SLC38A10: variants seen among roughly 807,000 people sequenced by gnomAD.
SLC38A10 encodes the protein solute carrier family 38 member 10.
A neutral mutation model predicts 81.0 loss-of-function variants in SLC38A10; 53 were observed. The observed-to-expected ratio is 0.65, with a 90% confidence interval of 0.53 to 0.82. The LOEUF (loss-of-function observed/expected upper bound fraction) is 0.82, where lower values mean the gene tolerates loss of function less well. SLC38A10 is among the 40% of genes least tolerant of loss of function. SLC38A10 has a pLI of 0.00. For missense variants in SLC38A10, 1,471 were observed against 1,545.0 expected, an observed-to-expected ratio of 0.95 and a Z score of 0.80; for synonymous variants, 665 against 655.3, an observed-to-expected ratio of 1.01 and a Z score of -0.23.
intron 11 of SLC38A10, among the ~76,000 whole-genome samples, chr17:81,254,648 G>A (rs1266454614): frequency 1.3e-5 from 2 of 152,264 alleles, no homozygotes; most frequent in East Asian, 1.9e-4. Context: ...GTTTCACCAC[G>A]TTGGCCAGGC....
rs894978614 is a variant in SLC38A10 at position 81,253,880 on chromosome 17, T to C, written c.1289-640A>G. On this transcript the variant is annotated intron_variant, in intron 11 of 15. Transcript: ENST00000374759. This position sits in a 1 kb window ranked among gnomAD's most constrained non-coding sequence, Gnocchi z 4.1. ...ATCCCTACCACCATCACCATCATCA[T>C]CACCATCACCACTACCATCACCACC... Among the ~76,000 whole-genome samples, 2 of 150,830 alleles carry C rather than the reference T, an allele frequency of 1.3e-5. No homozygotes were observed. The highest frequency in any genetic ancestry group is 6.6e-5 in the Admixed American group (1 of 15,172).
At position 81,289,480 on chromosome 17, in the gene SLC38A10, C is replaced by T. The variant is rs1391635837; in HGVS notation, c.217+211G>A. On this transcript the variant is annotated intron_variant, in intron 2 of 15. Coordinates refer to ENST00000374759, the MANE Select transcript of SLC38A10 (RefSeq NM_001037984.3). This position sits in a 1 kb window ranked among gnomAD's most constrained non-coding sequence, Gnocchi z 5.9. ...CTCAGACTCCTAGGCTCAGGTGATCCTCCCACCTCAGCCTCCCAAATAGTA... is the reference window on the plus strand; with the variant it reads ...CTCAGACTCCTAGGCTCAGGTGATCTTCCCACCTCAGCCTCCCAAATAGTA... Among the ~76,000 whole-genome samples, 2 of 151,942 alleles carry T rather than the reference C, an allele frequency of 1.3e-5. No individual in the cohort carries two copies. Among genetic ancestry groups the T allele is most frequent in the Non-Finnish European group, 2.9e-5 (2 of 68,000 alleles).
chr17:81,294,886 G>C lies in SLC38A10; in HGVS notation c.36C>G (p.Ile12Met), dbSNP rs1749755208. 1 of 1,595,598 alleles carries C rather than the reference G, an allele frequency of 6.3e-7. No individual in the cohort carries two copies. Among genetic ancestry groups the C allele is most frequent in the Admixed American group, 1.7e-5 (1 of 57,798 alleles). Residue 12 changes from isoleucine (I) to methionine (M), a missense_variant, in exon 1 of 16, where the codon ATC (isoleucine) becomes ATG (methionine). Transcript: ENST00000374759. ...CTACGATGCTGTTCACGATGTTCGTGATCAGCCCCCAGTTGGAGGCGGCGG... is the reference window on the plus strand; with the variant it reads ...CTACGATGCTGTTCACGATGTTCGTCATCAGCCCCCAGTTGGAGGCGGCGG... The part of the protein sequence containing the change: ...TAAAASNWGL[I>M]TNIVNSIVGV...
chr17:81,283,575 T>C lies in SLC38A10; in HGVS notation c.264-73A>G. 1.8e-6 allele frequency: 2 copies of C among 1,131,934 alleles called. No homozygotes were observed. Among genetic ancestry groups the C allele is most frequent in the Non-Finnish European group, 2.6e-6 (2 of 765,336 alleles). The allele number at this position is 1,131,934 out of a possible 1,614,324, so 70.1% of individuals were successfully genotyped here. On this transcript the variant is annotated intron_variant, in intron 3 of 15. Coordinates refer to ENST00000374759, the MANE Select transcript of SLC38A10 (RefSeq NM_001037984.3). This position sits in a 1 kb window ranked among gnomAD's most constrained non-coding sequence, Gnocchi z 4.7. ...ACACACCTGGGCTGCCGCCAGGGAC[T>C]ACCCCAAGGCTGGGCTGAATGACAG... is the stretch of plus-strand genomic sequence containing the variant.
chr17:81,272,805 A>G (rs2271090), intron 8 of SLC38A10, among the ~76,000 whole-genome samples, 178 bp from the exon 9 acceptor site: 77,983 of 152,044 alleles, frequency 0.51, 22,584 homozygotes, highest in African/African-American at 0.8. Flanking sequence ...TGAGCAACTT[A>G]AACGGGAACC....
At chr17:81,259,058 G>C (rs1031260540) in intron 11 of SLC38A10, among the ~76,000 whole-genome samples, 1 of 152,250 alleles carries the variant, frequency 6.6e-6, no homozygotes, top group African/African-American at 2.4e-5. Context: ...ACGCTGGGAA[G>C]GAGCTTTCCA....
Position 81,251,221 on chromosome 17 carries a change from G to A in SLC38A10, c.2065+272C>T, listed in dbSNP as rs140396168. 7.6e-5 allele frequency: 108 copies of A among 1,427,592 alleles called. 1 individual carries two copies. The African/African-American group carries it at 2.5e-3, about 33-fold the overall frequency. 88.4% of individuals were successfully genotyped at this position (1,427,592 alleles called of 1,614,324 possible). On this transcript the variant is annotated intron_variant, in intron 14 of 15. Coordinates refer to ENST00000374759, the MANE Select transcript of SLC38A10 (RefSeq NM_001037984.3). The stretch of plus-strand genomic sequence containing the variant: ...TGACAATGCCGCAGGTGTTTTAAAG[G>A]GGAGCAAGGGAGATAAAACGGTAAT...
chr17:81,265,634 C>T lies in SLC38A10; in HGVS notation c.1132-5240G>A, dbSNP rs535301949. Among the ~76,000 whole-genome samples, 28 of 152,352 alleles carry T rather than the reference C, an allele frequency of 1.8e-4. No homozygotes were observed. Among genetic ancestry groups the T allele is most frequent in the Admixed American group, 1.6e-3 (24 of 15,308 alleles). ...TGGGCTGGGTACAGGCACCATATCG[C>T]TGAGAGTACTCAGACAGGCCAAGGC... is the stretch of plus-strand genomic sequence containing the variant. On this transcript the variant is annotated intron_variant, in intron 10 of 15. Coordinates refer to ENST00000374759, the MANE Select transcript of SLC38A10 (RefSeq NM_001037984.3). The surrounding 1 kb of genome is among the most constrained non-coding windows in gnomAD (Gnocchi z 4.2).
In SLC38A10 at chr17:81,253,937, C is replaced by T. The variant is rs2062948150; in HGVS notation, c.1289-697G>A. The stretch of plus-strand genomic sequence containing the variant: ...GCCAACCCTACCATCATTGCCATCA[C>T]CTCCATTATCGTCATCACCACCACC... On this transcript the variant is annotated intron_variant, in intron 11 of 15. Coordinates refer to ENST00000374759, the MANE Select transcript of SLC38A10 (RefSeq NM_001037984.3). This position sits in a 1 kb window ranked among gnomAD's most constrained non-coding sequence, Gnocchi z 4.1. 6.6e-6 allele frequency among the ~76,000 whole-genome samples: 1 copy of T among 151,884 alleles called. No homozygotes were observed. Among genetic ancestry groups the T allele is most frequent in the Non-Finnish European group, 1.5e-5 (1 of 67,982 alleles).
chr17:81,270,521 G>A lies in SLC38A10; in HGVS notation c.1131+397C>T, dbSNP rs763410827. ...CAGTTAAAGAAAAACCCACAAGCAC[G>A]CACATCTCCGTGGGAGGGTCGCACC... On this transcript the variant is annotated intron_variant, in intron 10 of 15. Coordinates refer to ENST00000374759, the MANE Select transcript of SLC38A10 (RefSeq NM_001037984.3). The surrounding 1 kb of genome is among the most constrained non-coding windows in gnomAD (Gnocchi z 4.0). Among the ~76,000 whole-genome samples the A allele has an allele frequency of 2.7e-4, 41 of 152,260 alleles. No individual in the cohort carries two copies. Among genetic ancestry groups the A allele is most frequent in the African/African-American group, 7.0e-4 (29 of 41,538 alleles).
Position 81,270,847 on chromosome 17 carries a change from C to A in SLC38A10, c.1131+71G>T. The A allele has an allele frequency of 7.5e-7, 1 of 1,342,156 alleles. No homozygotes were observed. Among genetic ancestry groups the A allele is most frequent in the Middle Eastern group, 2.0e-4 (1 of 5,058 alleles). 83.1% of individuals were successfully genotyped at this position (1,342,156 alleles called of 1,614,324 possible). A position where few individuals can be genotyped will look rare whatever the true frequency, so the allele number is the denominator to read the frequency against. On this transcript the variant is annotated intron_variant, in intron 10 of 15. Transcript: ENST00000374759. This position sits in a 1 kb window ranked among gnomAD's most constrained non-coding sequence, Gnocchi z 4.0. Reference sequence around the variant, plus strand: ...CTGAAAACGCTGAACCAGGGGCTTCCTCCCGCCTCCACCTCTCCCCAGCCC... The same window carrying A: ...CTGAAAACGCTGAACCAGGGGCTTCATCCCGCCTCCACCTCTCCCCAGCCC...
In SLC38A10 at chr17:81,252,330, G is replaced by A. The variant is rs781308491; in HGVS notation, c.1810C>T (p.His604Tyr). Reference sequence around the variant, plus strand: ...GACAGCACTGCCTGGGGCCGAGGATGCAGGCCCCTGTCTCCTGGCCCCAGG... The same window carrying A: ...GACAGCACTGCCTGGGGCCGAGGATACAGGCCCCTGTCTCCTGGCCCCAGG... ...EDLGPGDRGL[H>Y]PRPQAVLSEQ... is the part of the protein sequence containing the mutation. The change falls in exon 13 of 16, where the codon CAT becomes TAT. Residue 604 changes from histidine (H) to tyrosine (Y), a missense_variant. Physicochemically the swap from His to Tyr is moderately conservative, Grantham distance 83. Transcript: ENST00000374759. The A allele has an allele frequency of 1.1e-5, 17 of 1,612,672 alleles. No homozygotes were observed. In the Admixed American group the frequency reaches 1.5e-4, roughly 14 times the overall value.
intron 6 of SLC38A10, chr17:81,280,021 C>A: frequency 2.6e-6 from 1 of 377,576 alleles, no homozygotes; most frequent in South Asian, 1.9e-5. Context: ...TGGTCTTTTC[C>A]CGTCTGCGCC....
At chr17:81,260,171 A>T in intron 11 of SLC38A10, 67 bp downstream of exon 11, 1 of 1,515,640 alleles carries the variant, frequency 6.6e-7, no homozygotes, top group Non-Finnish European at 8.9e-7. Context: ...CAATCCTCGG[A>T]CCAGACCCAG....
rs547695693 is a variant in SLC38A10, at chr17:81,245,357, G to C, written c.*199C>G. 8.5e-5 allele frequency: 56 copies of C among 659,954 alleles called. No homozygotes were observed. The African/African-American group carries it at 8.9e-4, about 11-fold the overall frequency. The allele number at this position is 659,954 out of a possible 1,614,324, so 40.9% of individuals were successfully genotyped here. A position where few individuals can be genotyped will look rare whatever the true frequency, so the allele number is the denominator to read the frequency against. On this transcript the variant is annotated 3_prime_UTR_variant, in exon 16 of 16. Transcript: ENST00000374759. Reference sequence around the variant, plus strand: ...GGACCTCAGACTAAGAGCTGCAACAGAACGACAGCAAGAACATTCTGGAAA... The same window carrying C: ...GGACCTCAGACTAAGAGCTGCAACACAACGACAGCAAGAACATTCTGGAAA...
At chr17:81,257,750 G>T (rs1427390320) in intron 11 of SLC38A10, among the ~76,000 whole-genome samples, 2 of 152,208 alleles carry the variant, frequency 1.3e-5, no homozygotes, top group Non-Finnish European at 2.9e-5. Context: ...TCCCTTCTCA[G>T]CCAGGCCCCT....
Position 81,246,130 on chromosome 17 carries a change from T to C in SLC38A10, c.2786A>G (p.Lys929Arg). Residue 929 changes from lysine to arginine, a missense_variant, in exon 16 of 16, where the codon AAG becomes AGG. This residue lies in a region of SLC38A10 where 751 missense variants were observed against 717.4 expected (regional missense o/e 1.05). Coordinates refer to ENST00000374759, the MANE Select transcript of SLC38A10 (RefSeq NM_001037984.3). The stretch of plus-strand genomic sequence containing the variant: ...AAGGCCCAGGTCTCGGCTCACTTGC[T>C]TGGGCTTCATGCGAGGGTCCCCCGT... ...AETGDPRMKP[K>R]QVSRDLGLAA... 1.9e-6 allele frequency: 3 copies of C among 1,610,060 alleles called. No individual in the cohort carries two copies. Among genetic ancestry groups the C allele is most frequent in the Non-Finnish European group, 2.5e-6 (3 of 1,179,692 alleles).
intron 12 of SLC38A10, 21 bp from the exon 13 acceptor site, chr17:81,252,704 G>C (rs2062931427): frequency 6.4e-7 from 1 of 1,574,684 alleles, no homozygotes; most frequent in Non-Finnish European, 8.6e-7. Flanking sequence ...ACGGGGGACA[G>C]ATGGGGTCAG....
intron 1 of SLC38A10, among the ~76,000 whole-genome samples, chr17:81,291,008 G>T (rs1274062643): frequency 6.6e-6 from 1 of 151,790 alleles, no homozygotes; most frequent in Admixed American, 6.6e-5. Context: ...TCCGCCTCGA[G>T]AAAATAAAAA....
Sources: allele counts gnomAD v4.1 joint callset (sites outside exome capture counted in the v4.1 genomes callset), GRCh38; gene constraint gnomAD v4.1.1; regional missense constraint gnomAD v4.1.1; non-coding constraint Gnocchi (gnomAD v3.1); transcripts MANE v1.5; gene names NCBI Gene and HGNC (gene_info 2026-07-23, HGNC 2026-07-21).